The following POU2F1 variants were observed in gnomAD, a reference collection of about 807,000 sequenced individuals.
POU2F1 encodes the protein POU domain, class 2, transcription factor 1.
A neutral mutation model predicts 84.9 loss-of-function variants in POU2F1; 16 were observed. The ratio of observed to expected loss-of-function variants is 0.19; its 90% confidence interval spans 0.13 to 0.29. The LOEUF (loss-of-function observed/expected upper bound fraction) is 0.29, where lower values mean the gene tolerates loss of function less well. Among genes scored for constraint, POU2F1 ranks in the 10% least tolerant of loss-of-function variants. The pLI is 1.00. For missense variants in POU2F1, 738 were observed against 942.6 expected (o/e 0.78, Z 2.84); for synonymous variants, 368 against 368.3 (o/e 1.00, Z 0.01).
At chr1:167,221,550 G>C (rs578016950) in intron 1 of POU2F1, among the ~76,000 whole-genome samples, 1 of 149,620 alleles carries the variant, frequency 6.7e-6, no homozygotes, top group Non-Finnish European at 1.5e-5. Flanking sequence ...CCCGGGAGCG[G>C]GCCCGGGCGG....
chr1:167,281,138 A>G (rs1034765676), intron 1 of POU2F1, among the ~76,000 whole-genome samples: 4 of 152,214 alleles, frequency 2.6e-5, no homozygotes. Context: ...CCAAAGGTCC[A>G]TTTATAGACC....
chr1:167,351,594 T>C (rs900277254), intron 2 of POU2F1, among the ~76,000 whole-genome samples: 4 of 146,524 alleles, frequency 2.7e-5, no homozygotes, highest in African/African-American at 5.0e-5. Context: ...TCTTAAGTAA[T>C]GATTAAACGT....
At chr1:167,258,404 C>T (rs1380438852) in intron 1 of POU2F1, among the ~76,000 whole-genome samples, 1 of 152,220 alleles carries the variant, frequency 6.6e-6, no homozygotes, top group African/African-American at 2.4e-5. Context: ...TATTATCAAA[C>T]TTGATCCTTT....
chr1:167,351,074 C>T (rs931743909), intron 2 of POU2F1, among the ~76,000 whole-genome samples: 2 of 151,882 alleles, frequency 1.3e-5, no homozygotes, highest in Admixed American at 6.6e-5. Flanking sequence ...TAATGTTGGC[C>T]AGTCATGGTG....
At chr1:167,317,851 C>T (rs1277275928) in intron 1 of POU2F1, among the ~76,000 whole-genome samples, 2 of 152,202 alleles carry the variant, frequency 1.3e-5, no homozygotes, top group African/African-American at 2.4e-5. Context: ...CAACATGTCT[C>T]CCCTTTTTGT....
intron 1 of POU2F1, among the ~76,000 whole-genome samples, chr1:167,249,169 C>T (rs1212863375): frequency 3.9e-5 from 6 of 152,150 alleles, no homozygotes; most frequent in African/African-American, 1.4e-4. Context: ...TGTTTGGCAT[C>T]CTTTATCTTC....
chr1:167,288,534 T>A (rs992203211), intron 1 of POU2F1, among the ~76,000 whole-genome samples: 1 of 152,068 alleles, frequency 6.6e-6, no homozygotes, highest in Non-Finnish European at 1.5e-5. Flanking sequence ...ACAAAAACAG[T>A]TAAAAATTAG....
chr1:167,354,024 G>A (rs1658769809), intron 2 of POU2F1, among the ~76,000 whole-genome samples: 1 of 152,026 alleles, frequency 6.6e-6, no homozygotes. Flanking sequence ...GAATTATACT[G>A]TACCATGGAT....
At chr1:167,250,253 T>C (rs1293844980) in intron 1 of POU2F1, among the ~76,000 whole-genome samples, 2 of 152,234 alleles carry the variant, frequency 1.3e-5, no homozygotes, top group East Asian at 3.8e-4. Flanking sequence ...ATTTTGATTG[T>C]TAGAATTGTT....
At chr1:167,288,779 CT>C (rs1486098795) in intron 1 of POU2F1, among the ~76,000 whole-genome samples, 16 of 152,318 alleles carry the variant, frequency 1.1e-4, no homozygotes, top group African/African-American at 3.8e-4. Context: ...TTGCCCCCTC[CT>C]TACCAAGATC....
chr1:167,415,713 C>T lies in POU2F1; in HGVS notation c.2204C>T (p.Thr735Ile), dbSNP rs752810939. ...GCACCTGTAGCCAGCCTTCACGCCA[C>T]CTCCACCTCTGCTGAGTCCATCCAG... ...NSAPVASLHA[T>I]STSAESIQNS... The change falls in exon 16 of 16, where the codon ACC (threonine) becomes ATC (isoleucine). Residue 735 changes from threonine (T) to isoleucine (I), a missense_variant. Around this residue, in one of 4 missense-constraint regions of POU2F1, gnomAD observed 319 missense variants for 386.0 expected, o/e 0.83. Coordinates refer to ENST00000367866, the MANE Select transcript of POU2F1 (RefSeq NM_002697.4). 4 of 1,614,160 alleles carry T rather than the reference C, an allele frequency of 2.5e-6. No homozygotes were observed. In the South Asian group the frequency reaches 4.4e-5, roughly 18 times the overall value.
chr1:167,354,355 A>T (rs1310452660), intron 2 of POU2F1, among the ~76,000 whole-genome samples: 1 of 152,076 alleles, frequency 6.6e-6, no homozygotes, highest in Admixed American at 6.5e-5. Context: ...GCAGTGGCAC[A>T]ATCTCAGCTC....
intron 1 of POU2F1, among the ~76,000 whole-genome samples, chr1:167,253,060 C>T (rs2102408853): frequency 6.6e-6 from 1 of 152,276 alleles, no homozygotes; most frequent in Non-Finnish European, 1.5e-5. Flanking sequence ...CATTACAATG[C>T]ATATTTTAAA....
chr1:167,249,121 C>T (rs1307851087), intron 1 of POU2F1, among the ~76,000 whole-genome samples: 1 of 152,236 alleles, frequency 6.6e-6, no homozygotes, highest in Non-Finnish European at 1.5e-5. Flanking sequence ...AAATCTGAAG[C>T]AGTGGATCCT....
Position 167,352,707 on chromosome 1 carries a change from T to C in POU2F1, c.128-12760T>C, listed in dbSNP as rs370529130. Among the ~76,000 whole-genome samples, 11 of 152,376 alleles carry C rather than the reference T, an allele frequency of 7.2e-5. No individual in the cohort carries two copies. The East Asian group carries it at 1.9e-3, about 27-fold the overall frequency. Reference sequence around the variant, plus strand: ...TTTCAGCTTTACCATTTCCAAAATATGAAATAAATAGAATCATGTGGATGT... The same window carrying C: ...TTTCAGCTTTACCATTTCCAAAATACGAAATAAATAGAATCATGTGGATGT... On this transcript the variant is annotated intron_variant, in intron 2 of 15. Coordinates refer to ENST00000367866, the MANE Select transcript of POU2F1 (RefSeq NM_002697.4).
chr1:167,224,021 A>G (rs963397339), intron 1 of POU2F1, among the ~76,000 whole-genome samples: 2 of 152,176 alleles, frequency 1.3e-5, no homozygotes, highest in African/African-American at 4.8e-5. Context: ...TTTAATCACT[A>G]CTGAGGCCGT....
chr1:167,394,833 T>C (rs1648686051), intron 9 of POU2F1, among the ~76,000 whole-genome samples: 1 of 152,176 alleles, frequency 6.6e-6, no homozygotes, highest in African/African-American at 2.4e-5. Context: ...GTTTTAAAAA[T>C]ATGTTACTTT....
intron 2 of POU2F1, among the ~76,000 whole-genome samples, chr1:167,346,218 T>C (rs1438331204): frequency 2.0e-5 from 3 of 152,136 alleles, no homozygotes; most frequent in African/African-American, 7.2e-5. Context: ...CTGTTTTAAC[T>C]GAGTCTTTCA....
chr1:167,389,596 C>G lies in POU2F1; in HGVS notation c.822C>G (p.Thr274=), dbSNP rs1648241286. Reference sequence around the variant, plus strand: ...TATTCTTTCTCCAACAGCCAGCAACCCCAACACGCACAATAGCAGCAACCC... The same window carrying G: ...TATTCTTTCTCCAACAGCCAGCAACGCCAACACGCACAATAGCAGCAACCC... ...PSITLTSQPA[T]PTRTIAATPI... The change falls in exon 9 of 16, where the codon ACC becomes ACG. Residue 274 remains threonine, a synonymous_variant. Transcript: ENST00000367866. 1.2e-6 allele frequency: 2 copies of G among 1,614,096 alleles called. No individual in the cohort carries two copies. The highest frequency in any genetic ancestry group is 3.3e-5 in the Admixed American group (2 of 60,022).
Sources: gnomAD v4.1 joint callset for allele counts (sites outside exome capture counted in the v4.1 genomes callset) on GRCh38, gnomAD v4.1.1 for gene constraint, gnomAD v4.1.1 regional missense constraint, MANE v1.5 for transcripts, NCBI Gene and HGNC (gene_info 2026-07-23, HGNC 2026-07-21) for gene names.